The following CHMP3 variants were observed in gnomAD, a reference collection of about 807,000 sequenced individuals.
CHMP3 encodes 25.1 protein.
CHMP3 carries 8 observed loss-of-function variants against 27.4 expected under a neutral mutation model. That is an observed-to-expected ratio of 0.29 (90% CI 0.17 to 0.53). The LOEUF is 0.53. Ranked by LOEUF, CHMP3 falls within the 20% of genes least tolerant of loss-of-function variation. CHMP3 has a pLI of 0.96. For missense variants in CHMP3, 208 were observed against 271.5 expected (o/e 0.77, Z 1.64); for synonymous variants, 86 against 85.5 (o/e 1.01, Z -0.03).
At chr2:86,516,016 C>T (rs375328642) in intron 3 of CHMP3, among the ~76,000 whole-genome samples, 20 of 151,888 alleles carry the variant, frequency 1.3e-4, no homozygotes, top group African/African-American at 4.3e-4. Flanking sequence ...GGTGTGGTGG[C>T]GCACGCCTGT....
intron 1 of CHMP3, among the ~76,000 whole-genome samples, chr2:86,550,889 T>C (rs1333446002): frequency 2.0e-5 from 3 of 152,226 alleles, no homozygotes; most frequent in Non-Finnish European, 2.9e-5. Context: ...CAGGAGGATG[T>C]ACATACGTTA....
At chr2:86,527,617 T>C (rs1035663184) in intron 3 of CHMP3, among the ~76,000 whole-genome samples, 8 of 152,208 alleles carry the variant, frequency 5.3e-5, no homozygotes, top group Admixed American at 2.6e-4. Context: ...ATATCCAGTA[T>C]TTCAAGAGCC....
intron 1 of CHMP3, among the ~76,000 whole-genome samples, chr2:86,544,706 T>C (rs901201954): frequency 6.6e-6 from 1 of 152,226 alleles, no homozygotes; most frequent in Non-Finnish European, 1.5e-5. Flanking sequence ...GAATTTTTCT[T>C]AGTACAGAAC....
intron 3 of CHMP3, among the ~76,000 whole-genome samples, chr2:86,515,568 G>A (rs986247714): frequency 1.4e-4 from 21 of 151,972 alleles, no homozygotes; most frequent in East Asian, 3.9e-4. Context: ...TGATCCACCC[G>A]CCTCAGCCTC....
In CHMP3 at chr2:86,504,840, CT is replaced by C. The variant is rs1443102280; in HGVS notation, c.*963del. The C allele has an allele frequency of 6.6e-6, 1 of 152,140 alleles. No individual in the cohort carries two copies. Among genetic ancestry groups the C allele is most frequent in the Non-Finnish European group, 1.5e-5 (1 of 68,032 alleles). 9.4% of individuals were successfully genotyped at this position (152,140 alleles called of 1,614,324 possible). On this transcript the variant is annotated 3_prime_UTR_variant, in exon 6 of 6. Transcript: ENST00000263856. Reference sequence around the variant, plus strand: ...ATACTTCCCAAACTGAGCTGTTTTCCTTATTTGTAAAGACTAAGATCGCGTA... The same window carrying C: ...ATACTTCCCAAACTGAGCTGTTTTCCTATTTGTAAAGACTAAGATCGCGTA...
chr2:86,547,148 T>G (rs1676642892), intron 1 of CHMP3, among the ~76,000 whole-genome samples: 1 of 152,214 alleles, frequency 6.6e-6, no homozygotes, highest in South Asian at 2.1e-4. Flanking sequence ...TCATTATACT[T>G]ATGATTACTT....
chr2:86,510,289 T>TAAAAAA, intron 4 of CHMP3, 69 bp downstream of exon 4: 1 of 782,650 alleles, frequency 1.3e-6, no homozygotes, highest in South Asian at 1.3e-5. Context: ...CCCTCATCCC[T>TAAAAAA]AGCCCCCTGT....
chr2:86,534,531 C>T (rs1365790313), intron 2 of CHMP3, among the ~76,000 whole-genome samples: 1 of 152,084 alleles, frequency 6.6e-6, no homozygotes, highest in Non-Finnish European at 1.5e-5. Flanking sequence ...CTACCTAATT[C>T]CTATCTAGTT....
intron 1 of CHMP3, chr2:86,562,317 C>G (rs969472749): frequency 2.6e-5 from 4 of 151,830 alleles, no homozygotes; most frequent in Admixed American, 2.0e-4. Context: ...TGTTGCAGAG[C>G]AGTGCTTCTC....
chr2:86,554,135 G>A (rs1270595044), intron 1 of CHMP3, among the ~76,000 whole-genome samples: 1 of 152,096 alleles, frequency 6.6e-6, no homozygotes, highest in East Asian at 1.9e-4. Flanking sequence ...CACCATCTAT[G>A]AACCAAAAAG....
intron 2 of CHMP3, among the ~76,000 whole-genome samples, chr2:86,535,813 G>A (rs1008105749): frequency 2.6e-5 from 4 of 151,780 alleles, no homozygotes; most frequent in African/African-American, 9.7e-5. Context: ...GCCTGCATGA[G>A]CTTAATTTCA....
intron 1 of CHMP3, chr2:86,561,626 T>C (rs904765588): frequency 1.3e-5 from 2 of 152,224 alleles, no homozygotes; most frequent in African/African-American, 4.8e-5. Context: ...ATTCAATAAA[T>C]GATCTTACCT....
intron 1 of CHMP3, among the ~76,000 whole-genome samples, chr2:86,546,438 CTT>C (rs201399690): frequency 7.4e-5 from 10 of 136,012 alleles, no homozygotes; most frequent in Admixed American, 7.4e-5. Context: ...TGAAGTTGGA[CTT>C]TTTTTTTTTT....
chr2:86,533,976 A>T (rs1030507705), intron 2 of CHMP3, among the ~76,000 whole-genome samples: 3 of 152,046 alleles, frequency 2.0e-5, no homozygotes, highest in African/African-American at 7.2e-5. Context: ...ATTTCCATAC[A>T]TCTGTGAATT....
chr2:86,549,205 T>G (rs1429719807), intron 1 of CHMP3, among the ~76,000 whole-genome samples: 1 of 103,040 alleles, frequency 9.7e-6, no homozygotes, highest in Admixed American at 1.0e-4. Flanking sequence ...GCAGAGGCGC[T>G]CCTCGCCTCC....
chr2:86,521,690 T>C (rs1675529638), intron 3 of CHMP3, among the ~76,000 whole-genome samples: 1 of 152,218 alleles, frequency 6.6e-6, no homozygotes, highest in Non-Finnish European at 1.5e-5. Context: ...TATTCATCCT[T>C]TTTTGAGGTG....
chr2:86,554,815 G>A (rs982136481), intron 1 of CHMP3, among the ~76,000 whole-genome samples: 7 of 56,682 alleles, frequency 1.2e-4, no homozygotes, highest in East Asian at 2.3e-3. Flanking sequence ...GTGTGTGCGC[G>A]CGTGTGTGTG....
chr2:86,507,334 T>C (rs1406066787), intron 5 of CHMP3, 145 bp downstream of exon 5: 4 of 667,136 alleles, frequency 6.0e-6, no homozygotes, highest in Non-Finnish European at 1.0e-5. Flanking sequence ...TTGTGCTTAC[T>C]TTTCAAGAAA....
At chr2:86,531,181 T>C (rs1215940043) in intron 2 of CHMP3, among the ~76,000 whole-genome samples, 1 of 152,124 alleles carries the variant, frequency 6.6e-6, no homozygotes, top group Non-Finnish European at 1.5e-5. Context: ...TTTTTCTTTT[T>C]CTTTTTTTGT....
Sources: gnomAD v4.1 joint callset for allele counts (sites outside exome capture counted in the v4.1 genomes callset) on GRCh38, gnomAD v4.1.1 for gene constraint, MANE v1.5 for transcripts, NCBI Gene and HGNC (gene_info 2026-07-23, HGNC 2026-07-21) for gene names.